The following ADGRL2 variants were observed in gnomAD, a reference collection of about 807,000 sequenced individuals.
ADGRL2 encodes calcium-independent alpha-latrotoxin receptor 2.
ADGRL2 carries 44 observed loss-of-function variants against 157.4 expected under a neutral mutation model. The observed-to-expected ratio is 0.28, with a 90% CI of 0.22 to 0.36. The LOEUF (loss-of-function observed/expected upper bound fraction) is 0.36. Among genes scored for constraint, ADGRL2 ranks in the 10% least tolerant of loss-of-function variants. The pLI is 1.00. For missense variants in ADGRL2, 1,510 were observed against 1,768.9 expected, an observed-to-expected ratio of 0.85 and a Z score of 2.63; for synonymous variants, 585 against 624.7, an observed-to-expected ratio of 0.94 and a Z score of 0.95.
At chr1:81,517,495 T>G (rs1330826774) in intron 2 of ADGRL2, among the ~76,000 whole-genome samples, 1 of 136,536 alleles carries the variant, frequency 7.3e-6, no homozygotes, top group Non-Finnish European at 1.5e-5. Context: ...AAAAAGGATG[T>G]CAAAACCACG....
At chr1:81,672,480 G>A (rs1371222730) in intron 3 of ADGRL2, among the ~76,000 whole-genome samples, 1 of 152,192 alleles carries the variant, frequency 6.6e-6, no homozygotes, top group Non-Finnish European at 1.5e-5. Context: ...TCTGGTATCT[G>A]CTCTGCCATA....
chr1:81,385,376 C>A (rs976488124), intron 1 of ADGRL2, among the ~76,000 whole-genome samples: 9 of 151,856 alleles, frequency 5.9e-5, no homozygotes, highest in African/African-American at 2.2e-4. Flanking sequence ...AAAATGAGGG[C>A]TAGAAAGATG....
At chr1:81,898,710 T>C in intron 2 of ADGRL2, among the ~76,000 whole-genome samples, 1 of 152,168 alleles carries the variant, frequency 6.6e-6, no homozygotes, top group Non-Finnish European at 1.5e-5. Flanking sequence ...GGACTATCAG[T>C]GACAACTTAT....
chr1:81,618,761 C>G (rs1329887906), intron 3 of ADGRL2, among the ~76,000 whole-genome samples: 1 of 152,104 alleles, frequency 6.6e-6, no homozygotes, highest in Non-Finnish European at 1.5e-5. Flanking sequence ...AACTGTGACA[C>G]TTTATCTTAT....
intron 1 of ADGRL2, among the ~76,000 whole-genome samples, chr1:81,757,142 G>GA (rs575561186): frequency 1.3e-3 from 202 of 152,236 alleles, no homozygotes; most frequent in African/African-American, 4.8e-3. Context: ...TGAGCATTTG[G>GA]AAACAAGCTT....
At chr1:81,736,301 A>C (rs2084899976) in intron 1 of ADGRL2, among the ~76,000 whole-genome samples, 1 of 152,142 alleles carries the variant, frequency 6.6e-6, no homozygotes, top group African/African-American at 2.4e-5. Context: ...GAACTTAGAC[A>C]GTGACTCTTG....
intron 2 of ADGRL2, among the ~76,000 whole-genome samples, chr1:81,901,439 T>C (rs2094484423): frequency 1.3e-5 from 2 of 152,192 alleles, no homozygotes; most frequent in South Asian, 2.1e-4. Context: ...TAGCTTCATC[T>C]GACCCAGAGA....
At chr1:81,376,889 T>G (rs1442292426) in intron 1 of ADGRL2, among the ~76,000 whole-genome samples, 1 of 152,136 alleles carries the variant, frequency 6.6e-6, no homozygotes, top group Non-Finnish European at 1.5e-5. Flanking sequence ...CTTTTTGTAT[T>G]TATCCAAAAC....
chr1:81,782,609 G>A (rs2086862014), intron 2 of ADGRL2, among the ~76,000 whole-genome samples: 1 of 152,142 alleles, frequency 6.6e-6, no homozygotes, highest in African/African-American at 2.4e-5. Context: ...TGTTTCTCTG[G>A]AGTTGATAGT....
chr1:81,911,743 A>G (rs115816551), intron 3 of ADGRL2, among the ~76,000 whole-genome samples: 2,531 of 152,294 alleles, frequency 0.017, 45 homozygotes, highest in South Asian at 0.062. Context: ...TAGACATGTG[A>G]GTGTACCTTT....
At chr1:81,556,312 A>ATTTTTTTTTTT (rs145670261) in intron 2 of ADGRL2, among the ~76,000 whole-genome samples, 6 of 87,134 alleles carry the variant, frequency 6.9e-5, no homozygotes, top group Non-Finnish European at 6.1e-5. Context: ...GGCTGTCACA[A>ATTTTTTTTTTT]TTTTTTTTTT....
At chr1:81,542,878 C>A (rs2148335296) in intron 2 of ADGRL2, among the ~76,000 whole-genome samples, 1 of 152,260 alleles carries the variant, frequency 6.6e-6, no homozygotes, top group Admixed American at 6.5e-5. Flanking sequence ...TCCCCTATCT[C>A]AACATTTCTT....
At chr1:81,346,818 G>A (rs572592894) in intron 1 of ADGRL2, among the ~76,000 whole-genome samples, 18 of 152,252 alleles carry the variant, frequency 1.2e-4, no homozygotes, top group African/African-American at 4.3e-4. Context: ...TTTTGTTATG[G>A]CAGTCTTAAG....
chr1:81,370,102 A>G (rs2076135675), intron 1 of ADGRL2, among the ~76,000 whole-genome samples: 1 of 152,188 alleles, frequency 6.6e-6, no homozygotes, highest in South Asian at 2.1e-4. Context: ...ACAGTGAAAC[A>G]AAGTGGTTTG....
intron 1 of ADGRL2, among the ~76,000 whole-genome samples, chr1:81,759,093 T>G (rs2085785896): frequency 6.6e-6 from 1 of 152,186 alleles, no homozygotes; most frequent in African/African-American, 2.4e-5. Flanking sequence ...ACCTGCACTT[T>G]AAATATAATC....
At chr1:81,966,365 TG>T (rs1483162314) in intron 12 of ADGRL2, 38 bp from the exon 13 acceptor site, 2 of 1,577,380 alleles carry the variant, frequency 1.3e-6, no homozygotes, top group Non-Finnish European at 1.7e-6. Context: ...TTAACAAGCA[TG>T]TTTTTTGTAC....
chr1:81,952,196 T>A (rs1652059202), intron 9 of ADGRL2, 54 bp downstream of exon 9: 1 of 1,448,320 alleles, frequency 6.9e-7, no homozygotes, highest in Non-Finnish European at 9.4e-7. Flanking sequence ...GGCAGCTCTT[T>A]CTTGTCTTAT....
intron 2 of ADGRL2, among the ~76,000 whole-genome samples, chr1:81,897,149 C>G (rs1282991390): frequency 6.6e-6 from 1 of 152,176 alleles, no homozygotes; most frequent in African/African-American, 2.4e-5. Flanking sequence ...TCCCTGTTTT[C>G]AAGACCTGGT....
chr1:81,504,650 C>A (rs886913772), intron 2 of ADGRL2, among the ~76,000 whole-genome samples: 6 of 152,146 alleles, frequency 3.9e-5, no homozygotes, highest in African/African-American at 1.4e-4. Context: ...ACTCAGGGAT[C>A]ACGGGGGCGG....
Sources: allele counts gnomAD v4.1 joint callset (sites outside exome capture counted in the v4.1 genomes callset), GRCh38; gene constraint gnomAD v4.1.1; transcripts MANE v1.5; gene names NCBI Gene and HGNC (gene_info 2026-07-23, HGNC 2026-07-21).